The following CHEK2 variants were observed in gnomAD, a reference collection of about 807,000 sequenced individuals.
CHEK2 encodes the protein serine/threonine-protein kinase Chk2.
Under a neutral mutation model 69.1 loss-of-function variants are expected in CHEK2, and 71 were observed. The ratio of observed to expected loss-of-function variants is 1.03; its 90% CI spans 0.85 to 1.25. The LOEUF (loss-of-function observed/expected upper bound fraction) is 1.25. CHEK2 is among the 50% of genes most tolerant of loss of function. The probability of loss-of-function intolerance (pLI) is 0.00; values close to 1 mark genes in which losing one functional copy is unlikely to be tolerated. For synonymous variants in CHEK2, 189 were observed against 226.9 expected (o/e 0.83, Z 1.50); for missense variants, 664 against 649.6 (o/e 1.02, Z -0.24).
intron 2 of CHEK2, among the ~76,000 whole-genome samples, chr22:28,727,542 A>G (rs530448728): frequency 1.3e-5 from 2 of 152,304 alleles, no homozygotes; most frequent in African/African-American, 2.4e-5. Context: ...CACTTGGGAT[A>G]TTGCACATGG....
chr22:28,734,442 C>A lies in CHEK2; in HGVS notation c.280G>T (p.Ala94Ser), dbSNP rs753860983. ...EPEEPTPAPW[A>S]RLWALQDGFA... Reference sequence around the variant, plus strand: ...CCATCCTGAAGGGCCCATAATCGAGCCCAGGGGGCAGGGGTAGGCTCCTCA... The same window carrying A: ...CCATCCTGAAGGGCCCATAATCGAGACCAGGGGGCAGGGGTAGGCTCCTCA... The change falls in exon 2 of 15, where the codon GCT becomes TCT. Residue 94 changes from alanine (A) to serine (S), a missense_variant. Physicochemically the swap from Ala to Ser is moderately conservative, Grantham distance 99 (BLOSUM62 1). Transcript: ENST00000404276. The A allele has an allele frequency of 2.5e-6, 4 of 1,614,012 alleles. No homozygotes were observed. The highest frequency in any genetic ancestry group is 2.2e-5 in the South Asian group (2 of 91,084).
chr22:28,698,418 A>G (rs2052680309), intron 9 of CHEK2, among the ~76,000 whole-genome samples: 1 of 151,926 alleles, frequency 6.6e-6, no homozygotes, highest in African/African-American at 2.4e-5. Flanking sequence ...AAATAAAAAT[A>G]AATTTAAAAG....
chr22:28,741,047 G>A (rs1171647143), intron 1 of CHEK2, among the ~76,000 whole-genome samples: 1 of 151,118 alleles, frequency 6.6e-6, no homozygotes, highest in Admixed American at 6.6e-5. Context: ...ATACTTAGGA[G>A]GCTGAGGCAG....
chr22:28,697,320 C>A (rs1413037282), intron 9 of CHEK2, among the ~76,000 whole-genome samples: 1 of 151,908 alleles, frequency 6.6e-6, no homozygotes, highest in Non-Finnish European at 1.5e-5. Flanking sequence ...GAGAACATAC[C>A]AAATAAACAC....
chr22:28,721,732 A>G, intron 4 of CHEK2: 1 of 370,696 alleles, frequency 2.7e-6, no homozygotes, highest in Non-Finnish European at 5.6e-6. Context: ...TACATGATAA[A>G]TACATATAAT....
intron 2 of CHEK2, among the ~76,000 whole-genome samples, chr22:28,731,996 C>T (rs1233227980): frequency 6.6e-6 from 1 of 152,198 alleles, no homozygotes; most frequent in Non-Finnish European, 1.5e-5. Flanking sequence ...GGCGGGACTG[C>T]AGTAGCGCAA....
intron 2 of CHEK2, among the ~76,000 whole-genome samples, chr22:28,728,974 C>CAA (rs66909343): frequency 3.3e-5 from 5 of 151,608 alleles, no homozygotes; most frequent in South Asian, 4.2e-4. Context: ...GACCCTGTCT[C>CAA]AAAAAAAAGA....
chr22:28,689,419 T>C, intron 13 of CHEK2: 1 of 577,934 alleles, frequency 1.7e-6, no homozygotes, highest in Non-Finnish European at 3.2e-6. Context: ...CAATGCTCCA[T>C]CAATCCTGGC....
intron 7 of CHEK2, among the ~76,000 whole-genome samples, chr22:28,707,482 T>C (rs1018955494): frequency 9.2e-5 from 14 of 152,024 alleles, no homozygotes; most frequent in African/African-American, 3.1e-4. Context: ...CACACTAAAG[T>C]GAGGGAAGGG....
chr22:28,741,542 T>G (rs2054556116), intron 1 of CHEK2, among the ~76,000 whole-genome samples: 1 of 152,204 alleles, frequency 6.6e-6, no homozygotes, highest in South Asian at 2.1e-4. Context: ...AATACAACGC[T>G]GTTCTTCTTA....
In CHEK2 at chr22:28,741,169, A is replaced by AAG. The variant is rs368576388; in HGVS notation, c.-7+599_-7+600insCT. Among the ~76,000 whole-genome samples the AAG allele has an allele frequency of 2.0e-4, 28 of 136,976 alleles. 2 individuals are homozygous for AAG. Among genetic ancestry groups the AAG allele is most frequent in the African/African-American group, 5.1e-4 (19 of 37,004 alleles). 89.9% of individuals were successfully genotyped at this position (136,976 alleles called of 152,430 possible). A position where few individuals can be genotyped will look rare whatever the true frequency, so the allele number is the denominator to read the frequency against. ...GTCTCAAAAAAAAAAAAAAAAAAAA[A>AAG]AAAGGTACAGATGGTAATCATATAT... On this transcript the variant is annotated intron_variant, in intron 1 of 14. Coordinates refer to ENST00000404276, the MANE Select transcript of CHEK2 (RefSeq NM_007194.4).
chr22:28,740,623 G>A (rs1329572458), intron 1 of CHEK2, among the ~76,000 whole-genome samples: 5 of 152,218 alleles, frequency 3.3e-5, no homozygotes, highest in African/African-American at 1.2e-4. Flanking sequence ...TTGAGCCTGT[G>A]TGCCCATGGC....
At chr22:28,691,723 T>A (rs1176501355) in intron 13 of CHEK2, among the ~76,000 whole-genome samples, 2 of 152,108 alleles carry the variant, frequency 1.3e-5, no homozygotes, top group African/African-American at 4.8e-5. Flanking sequence ...AAAATTAAAT[T>A]GTAATATCCC....
rs786201896 is a variant in CHEK2 at position 28,711,944 on chromosome 22, T to C, written c.757A>G (p.Lys253Glu). ...GCTGAACCAATAGCAAACTTCCTTT[T>C]GCTGATGATCTTTATGGCTACTTTC... Reference protein sequence around the residue: ...CKKVAIKIISKRKFAIGSARE... With the variant: ...CKKVAIKIISERKFAIGSARE... The change falls in exon 6 of 15, where the codon AAA becomes GAA. Residue 253 changes from lysine to glutamate, a missense_variant. Physicochemically the swap from Lys to Glu is moderately conservative, Grantham distance 56 (BLOSUM62 1). Coordinates refer to ENST00000404276, the MANE Select transcript of CHEK2 (RefSeq NM_007194.4). The C allele has an allele frequency of 6.2e-7, 1 of 1,613,992 alleles. No individual in the cohort carries two copies. Among genetic ancestry groups the C allele is most frequent in the Non-Finnish European group, 8.5e-7 (1 of 1,179,952 alleles).
At chr22:28,728,551 A>C (rs1032085023) in intron 2 of CHEK2, among the ~76,000 whole-genome samples, 3 of 152,098 alleles carry the variant, frequency 2.0e-5, no homozygotes, top group Non-Finnish European at 4.4e-5. Flanking sequence ...ACAAAAAAAA[A>C]TTTAGCCAGG....
intron 4 of CHEK2, among the ~76,000 whole-genome samples, chr22:28,722,539 C>CAAAAAAAAAAAAAA (rs755107963): frequency 1.8e-4 from 12 of 67,912 alleles, no homozygotes; most frequent in Non-Finnish European, 2.7e-4. Flanking sequence ...GACTCCGTCT[C>CAAAAAAAAAAAAAA]AAAAAAAAAA....
chr22:28,709,035 T>C, intron 7 of CHEK2: 1 of 382,968 alleles, frequency 2.6e-6, no homozygotes. Context: ...GATCTTGCCT[T>C]GAGTTTAATG....
chr22:28,709,503 T>C (rs2053305341), intron 7 of CHEK2, among the ~76,000 whole-genome samples: 1 of 152,252 alleles, frequency 6.6e-6, no homozygotes. Context: ...TATTGTTCAC[T>C]CAGTAACATT....
At chr22:28,690,243 G>T (rs1378477661) in intron 13 of CHEK2, among the ~76,000 whole-genome samples, 1 of 152,214 alleles carries the variant, frequency 6.6e-6, no homozygotes, top group Non-Finnish European at 1.5e-5. Flanking sequence ...TATAATCCCA[G>T]CACTTTGGGA....
Sources: gnomAD v4.1 joint callset for allele counts (sites outside exome capture counted in the v4.1 genomes callset) on GRCh38, gnomAD v4.1.1 for gene constraint, MANE v1.5 for transcripts, NCBI Gene and HGNC (gene_info 2026-07-23, HGNC 2026-07-21) for gene names.